Variants in PNLIPRP3 observed in about 807,000 individuals in gnomAD.
PNLIPRP3 encodes pancreatic lipase-related protein 3.
PNLIPRP3 carries 58 observed loss-of-function variants against 52.8 expected under a neutral mutation model. The observed-to-expected ratio is 1.10, with a 90% CI of 0.89 to 1.37. PNLIPRP3 has a LOEUF of 1.37. Ranked by LOEUF, PNLIPRP3 falls within the 40% of genes most tolerant of loss-of-function variation. The pLI, the probability that PNLIPRP3 is intolerant of heterozygous loss-of-function variation, is 0.00. For synonymous variants in PNLIPRP3, 192 were observed against 185.0 expected, an observed-to-expected ratio of 1.04 and a Z score of -0.31; for missense variants, 593 against 561.6, an observed-to-expected ratio of 1.06 and a Z score of -0.57.
chr10:116,461,918 G>T (rs987899326), intron 7 of PNLIPRP3, among the ~76,000 whole-genome samples: 2 of 152,148 alleles, frequency 1.3e-5, no homozygotes, highest in Non-Finnish European at 2.9e-5. Flanking sequence ...GCAGGTTCAC[G>T]ACAGTGAGGA....
chr10:116,440,045 T>C (rs1845834922), intron 2 of PNLIPRP3: 3 of 748,580 alleles, frequency 4.0e-6, no homozygotes, highest in Non-Finnish European at 4.9e-6. Flanking sequence ...CCTTTAGCCA[T>C]CCTGACTGTA....
intron 1 of PNLIPRP3, among the ~76,000 whole-genome samples, chr10:116,434,638 A>T (rs1261430175): frequency 6.6e-6 from 1 of 152,212 alleles, no homozygotes; most frequent in African/African-American, 2.4e-5. Context: ...AAACATAGAA[A>T]ATAAGGACTA....
At chr10:116,449,810 A>G (rs928965061) in intron 4 of PNLIPRP3, among the ~76,000 whole-genome samples, 8 of 152,212 alleles carry the variant, frequency 5.3e-5, no homozygotes, top group Non-Finnish European at 7.4e-5. Context: ...CGTCTCAGGT[A>G]CACACAGAAC....
At chr10:116,454,160 C>T (rs1846079404) in intron 4 of PNLIPRP3, among the ~76,000 whole-genome samples, 1 of 152,048 alleles carries the variant, frequency 6.6e-6, no homozygotes, top group Admixed American at 6.6e-5. Flanking sequence ...GCTCTGTTGC[C>T]CAGGCTGGAG....
chr10:116,432,152 A>G (rs950294177), intron 1 of PNLIPRP3, among the ~76,000 whole-genome samples: 3 of 152,224 alleles, frequency 2.0e-5, no homozygotes, highest in African/African-American at 7.2e-5. Context: ...TCCAATGCTG[A>G]ATTCCAGTGC....
chr10:116,445,565 A>AAAG (rs1845937634), intron 4 of PNLIPRP3, among the ~76,000 whole-genome samples: 2 of 151,704 alleles, frequency 1.3e-5, no homozygotes, highest in Admixed American at 1.3e-4. Flanking sequence ...TTATAAAAAA[A>AAAG]AAAAGCCAGC....
Position 116,477,417 on chromosome 10 carries a change from T to C in PNLIPRP3, c.*264T>C, listed in dbSNP as rs1321075894. On this transcript the variant is annotated 3_prime_UTR_variant, in exon 12 of 12. Transcript: ENST00000369230. Reference sequence around the variant, plus strand: ...TATCATTGACAAAATAGAGCTGTTTTGGAATTTTCCTGAATAAGAGGAGGT... The same window carrying C: ...TATCATTGACAAAATAGAGCTGTTTCGGAATTTTCCTGAATAAGAGGAGGT... 7.5e-6 allele frequency: 2 copies of C among 267,562 alleles called. No homozygotes were observed. Among genetic ancestry groups the C allele is most frequent in the African/African-American group, 4.5e-5 (2 of 44,902 alleles). 16.6% of individuals were successfully genotyped at this position (267,562 alleles called of 1,614,324 possible).
intron 8 of PNLIPRP3, among the ~76,000 whole-genome samples, chr10:116,468,947 C>T (rs745804036): frequency 1.3e-5 from 2 of 152,176 alleles, no homozygotes; most frequent in African/African-American, 2.4e-5. Context: ...GTTTCCTCTT[C>T]CGTGGATTGT....
chr10:116,476,982 G>T (rs779362762), intron 11 of PNLIPRP3, 108 bp from the exon 12 acceptor site: 16 of 1,179,546 alleles, frequency 1.4e-5, no homozygotes, highest in Non-Finnish European at 1.8e-5. Flanking sequence ...TATATGTGCA[G>T]AAGTGTTAGA....
At position 116,476,974 on chromosome 10, in the gene PNLIPRP3, T is replaced by A. The variant is rs968530906; in HGVS notation, c.1341-116T>A. The A allele has an allele frequency of 3.4e-6, 4 of 1,165,240 alleles. No homozygotes were observed. The African/African-American group carries it at 6.3e-5, about 18-fold the overall frequency. The allele number at this position is 1,165,240 out of a possible 1,614,324, so 72.2% of individuals were successfully genotyped here. On this transcript the variant is annotated intron_variant, in intron 11 of 11. Coordinates refer to ENST00000369230, the MANE Select transcript of PNLIPRP3 (RefSeq NM_001011709.3). ...GGGAAAAGTTAAGAAACCAATGCTA[T>A]ATGTGCAGAAGTGTTAGAAAATAAG... is the stretch of plus-strand genomic sequence containing the variant.
At chr10:116,443,801 G>GTATGTATATATA (rs1845898955) in intron 3 of PNLIPRP3, among the ~76,000 whole-genome samples, 3 of 11,158 alleles carry the variant, frequency 2.7e-4, no homozygotes, top group African/African-American at 5.8e-4. Context: ...ATGTGTGTGT[G>GTATGTATATATA]CATATATATA....
At chr10:116,462,344 T>C (rs766511925) in intron 7 of PNLIPRP3, among the ~76,000 whole-genome samples, 41 of 150,250 alleles carry the variant, frequency 2.7e-4, no homozygotes, top group Non-Finnish European at 5.5e-4. Flanking sequence ...TATGATGATA[T>C]GATAATGGAT....
intron 4 of PNLIPRP3, among the ~76,000 whole-genome samples, chr10:116,451,842 C>G (rs1361502449): frequency 1.3e-5 from 2 of 151,776 alleles, no homozygotes; most frequent in Non-Finnish European, 2.9e-5. Flanking sequence ...TGAACTAACA[C>G]AAAAAAAATT....
Position 116,466,001 on chromosome 10 carries a change from A to G in PNLIPRP3, c.809-49A>G, listed in dbSNP as rs1446600991. ...CTGTTTCTAAGATATGGTTTATGCT[A>G]CCAGTTATCAGTTAATTGCTATCAG... On this transcript the variant is annotated intron_variant, in intron 7 of 11. Coordinates refer to ENST00000369230, the MANE Select transcript of PNLIPRP3 (RefSeq NM_001011709.3). 6 of 1,312,474 alleles carry G rather than the reference A, an allele frequency of 4.6e-6. No individual in the cohort carries two copies. In the African/African-American group the frequency reaches 7.3e-5, roughly 16 times the overall value. 81.3% of individuals were successfully genotyped at this position (1,312,474 alleles called of 1,614,324 possible).
chr10:116,451,986 T>C (rs1020029202), intron 4 of PNLIPRP3, among the ~76,000 whole-genome samples: 5 of 152,130 alleles, frequency 3.3e-5, no homozygotes, highest in Admixed American at 1.3e-4. Flanking sequence ...GTTTGAAACT[T>C]CTTAGAGACT....
chr10:116,428,061 G>A lies in PNLIPRP3; in HGVS notation c.49G>A (p.Gly17Arg). ...ATTCTTGTTCTTTGGCACATCAAGA[G>A]GTAAGATTCATAATTTATAATAAGT... The part of the protein sequence containing the change: ...VAFLFFGTSR[G>R]KEVCYERLGC... The change falls in exon 1 of 12, where the codon GGA (glycine) becomes AGA (arginine). Residue 17 changes from glycine (G) to arginine (R), a missense_variant and splice_region_variant. Coordinates refer to ENST00000369230, the MANE Select transcript of PNLIPRP3 (RefSeq NM_001011709.3). 1.9e-6 allele frequency: 3 copies of A among 1,597,858 alleles called. No individual in the cohort carries two copies. The South Asian group carries it at 3.3e-5, about 18-fold the overall frequency.
chr10:116,461,726 G>T (rs1388543223), intron 7 of PNLIPRP3, among the ~76,000 whole-genome samples: 2 of 152,146 alleles, frequency 1.3e-5, no homozygotes, highest in African/African-American at 2.4e-5. Context: ...GCATTGAAGG[G>T]GAATATGATG....
intron 3 of PNLIPRP3, 40 bp downstream of exon 3, chr10:116,443,214 G>A: frequency 1.3e-6 from 2 of 1,575,992 alleles, no homozygotes; most frequent in East Asian, 4.6e-5. Flanking sequence ...TAGCATGCGA[G>A]CTTTATGTTT....
Position 116,455,719 on chromosome 10 carries a change from C to A in PNLIPRP3, c.457-3C>A. On this transcript the variant is annotated splice_region_variant and splice_polypyrimidine_tract_variant and intron_variant, in intron 4 of 11. Transcript: ENST00000369230. The stretch of plus-strand genomic sequence containing the variant: ...TACTTATTCTGTTAAACAATTCTTT[C>A]AGAAAAAATTTGAATATTCCCCTTC... 6.2e-7 allele frequency: 1 copy of A among 1,606,398 alleles called. No homozygotes were observed. The highest frequency in any genetic ancestry group is 8.5e-7 in the Non-Finnish European group (1 of 1,173,972).
Sources: allele counts gnomAD v4.1 joint callset (sites outside exome capture counted in the v4.1 genomes callset), GRCh38; gene constraint gnomAD v4.1.1; transcripts MANE v1.5; gene names NCBI Gene and HGNC (gene_info 2026-07-23, HGNC 2026-07-21).